The following MEI4 variants were observed in gnomAD, a reference collection of about 807,000 sequenced individuals.
The protein encoded by MEI4 is meiotic double-stranded break formation protein 4, also known as meiosis-specific protein MEI4.
A neutral mutation model predicts 31.4 loss-of-function variants in MEI4; 27 were observed. That is an observed-to-expected ratio of 0.86 (90% confidence interval 0.63 to 1.19). The LOEUF is 1.19. Ranked by LOEUF, MEI4 falls within the 50% of genes most tolerant of loss-of-function variation. The pLI, the probability that MEI4 is intolerant of heterozygous loss-of-function variation, is 0.00. For missense variants in MEI4, 329 were observed against 398.9 expected (o/e 0.82, Z 1.49); for synonymous variants, 122 against 145.4 (o/e 0.84, Z 1.16).
chr6:77,855,146 C>T (rs1770716234), intron 4 of MEI4, among the ~76,000 whole-genome samples: 1 of 151,980 alleles, frequency 6.6e-6, no homozygotes, highest in South Asian at 2.1e-4. Context: ...AGTTTGAGAC[C>T]AGCCTGACCA....
At chr6:77,799,093 G>A (rs1561993422) in intron 3 of MEI4, among the ~76,000 whole-genome samples, 1 of 152,174 alleles carries the variant, frequency 6.6e-6, no homozygotes, top group Admixed American at 6.5e-5. Context: ...GGTTGAACTA[G>A]TTTACAGTCC....
chr6:77,719,671 TC>T (rs1466917461), intron 2 of MEI4, among the ~76,000 whole-genome samples: 1 of 119,354 alleles, frequency 8.4e-6, no homozygotes, highest in African/African-American at 3.3e-5. Flanking sequence ...CTGCAGCTGC[TC>T]CTGCAGGCAT....
intron 4 of MEI4, among the ~76,000 whole-genome samples, chr6:77,887,478 G>C (rs1771652599): frequency 6.6e-6 from 1 of 151,710 alleles, no homozygotes; most frequent in Admixed American, 6.6e-5. Flanking sequence ...TGTACTTTTA[G>C]TAGGGACGGG....
intron 2 of MEI4, among the ~76,000 whole-genome samples, chr6:77,696,991 T>C (rs896843892): frequency 2.0e-5 from 3 of 152,230 alleles, no homozygotes; most frequent in African/African-American, 4.8e-5. Flanking sequence ...TGGTTTAGTC[T>C]TGGGAGAGTG....
intron 4 of MEI4, among the ~76,000 whole-genome samples, chr6:77,871,516 A>G (rs1771191005): frequency 6.6e-6 from 1 of 152,108 alleles, no homozygotes; most frequent in Non-Finnish European, 1.5e-5. Flanking sequence ...GGACATACAG[A>G]TGGGAATAAC....
At chr6:77,747,924 A>C (rs1485565417) in intron 2 of MEI4, among the ~76,000 whole-genome samples, 1 of 152,246 alleles carries the variant, frequency 6.6e-6, no homozygotes, top group Non-Finnish European at 1.5e-5. Context: ...GAAATTGACC[A>C]AAACAAAGGG....
At chr6:77,906,484 CTG>C (rs1296738620) in intron 4 of MEI4, among the ~76,000 whole-genome samples, 2 of 152,194 alleles carry the variant, frequency 1.3e-5, no homozygotes, top group African/African-American at 4.8e-5. Flanking sequence ...GCAGCAAACA[CTG>C]TGGATATCTA....
intron 3 of MEI4, among the ~76,000 whole-genome samples, chr6:77,787,986 G>C (rs1768793367): frequency 6.6e-6 from 1 of 152,096 alleles, no homozygotes; most frequent in Non-Finnish European, 1.5e-5. Context: ...TCTCTGCCAG[G>C]CTTTGGTATC....
At chr6:77,852,847 G>A (rs531439561) in intron 4 of MEI4, among the ~76,000 whole-genome samples, 3 of 151,932 alleles carry the variant, frequency 2.0e-5, no homozygotes, top group South Asian at 2.1e-4. Flanking sequence ...ATTTTAGGGG[G>A]TCACAAACAT....
At chr6:77,677,563 T>C (rs2446284) in intron 1 of MEI4, among the ~76,000 whole-genome samples, 123,350 of 152,080 alleles carry the variant, frequency 0.81, 50,283 homozygotes, top group East Asian at 0.95. Flanking sequence ...TCTCCTATTG[T>C]CCTGTTTGGA....
At chr6:77,803,817 G>A (rs968535920) in intron 3 of MEI4, among the ~76,000 whole-genome samples, 1 of 152,108 alleles carries the variant, frequency 6.6e-6, no homozygotes, top group Non-Finnish European at 1.5e-5. Context: ...GTTGCTGCCC[G>A]ATCGTTCCTA....
At chr6:77,793,675 A>G (rs767198964) in intron 3 of MEI4, among the ~76,000 whole-genome samples, 23 of 152,172 alleles carry the variant, frequency 1.5e-4, no homozygotes, top group Non-Finnish European at 2.5e-4. Context: ...GTTAGAGGAG[A>G]AGTCAGTGTA....
chr6:77,849,363 G>A (rs2127717640), intron 4 of MEI4, among the ~76,000 whole-genome samples: 1 of 152,250 alleles, frequency 6.6e-6, no homozygotes, highest in African/African-American at 2.4e-5. Flanking sequence ...GAGTGGGACT[G>A]AAAGAAAGCA....
intron 3 of MEI4, among the ~76,000 whole-genome samples, chr6:77,803,041 C>A (rs531919249): frequency 6.6e-6 from 1 of 152,178 alleles, no homozygotes; most frequent in Non-Finnish European, 1.5e-5. Flanking sequence ...TGGGGAAGTT[C>A]TCCTGGATAA....
intron 2 of MEI4, among the ~76,000 whole-genome samples, chr6:77,735,152 C>T (rs1452010865): frequency 1.3e-5 from 2 of 151,878 alleles, no homozygotes; most frequent in Admixed American, 1.3e-4. Flanking sequence ...GTGACATTCT[C>T]TGTATTTCCT....
At chr6:77,790,719 TAAAG>T (rs1017448332) in intron 3 of MEI4, among the ~76,000 whole-genome samples, 15 of 152,240 alleles carry the variant, frequency 9.9e-5, no homozygotes, top group African/African-American at 3.6e-4. Flanking sequence ...AAGTGAAGGA[TAAAG>T]AGAGTATCTT....
chr6:77,770,516 A>C (rs538970315), intron 3 of MEI4, among the ~76,000 whole-genome samples: 8 of 152,284 alleles, frequency 5.3e-5, no homozygotes, highest in South Asian at 4.1e-4. Flanking sequence ...TAAAAATTAC[A>C]CAGAACCAAA....
chr6:77,743,318 C>T (rs1043963980), intron 2 of MEI4, among the ~76,000 whole-genome samples: 3 of 152,102 alleles, frequency 2.0e-5, no homozygotes, highest in African/African-American at 7.2e-5. Context: ...TTGTAGTTCT[C>T]CTTGAAGAGG....
intron 3 of MEI4, among the ~76,000 whole-genome samples, chr6:77,807,617 T>C (rs1769471933): frequency 6.6e-6 from 1 of 152,142 alleles, no homozygotes; most frequent in South Asian, 2.1e-4. Flanking sequence ...TCACTGCAGA[T>C]ATAGGTACAC....
Sources: gnomAD v4.1 joint callset for allele counts (sites outside exome capture counted in the v4.1 genomes callset) on GRCh38, gnomAD v4.1.1 for gene constraint, MANE v1.5 for transcripts, NCBI Gene and HGNC (gene_info 2026-07-23, HGNC 2026-07-21) for gene names.